CSMD1: variants seen among roughly 807,000 people sequenced by gnomAD.
CSMD1 encodes the protein CUB and Sushi multiple domains 1, also known as CUB and sushi domain-containing protein 1.
Under a neutral mutation model 417.5 loss-of-function variants are expected in CSMD1, and 213 were observed. The observed-to-expected ratio is 0.51, with a 90% CI of 0.46 to 0.57. The LOEUF (loss-of-function observed/expected upper bound fraction) is 0.57, where lower values mean the gene tolerates loss of function less well. CSMD1 is among the 20% of genes least tolerant of loss of function. CSMD1 has a pLI of 0.00. For synonymous variants in CSMD1, 2,862 were observed against 1,736.8 expected (o/e 1.65, Z -16.11); for missense variants, 6,923 against 4,529.7 (o/e 1.53, Z -15.17).
chr8:3,889,269 T>C (rs1044849075), intron 5 of CSMD1, among the ~76,000 whole-genome samples: 1 of 151,608 alleles, frequency 6.6e-6, no homozygotes, highest in Non-Finnish European at 1.5e-5. Context: ...TAAATGTTTT[T>C]CTAGAAAGCC....
chr8:3,109,532 C>T (rs1325924645), intron 43 of CSMD1, among the ~76,000 whole-genome samples: 1 of 152,156 alleles, frequency 6.6e-6, no homozygotes, highest in Non-Finnish European at 1.5e-5. Context: ...CCCTCTGCTA[C>T]TTTATTTCCC....
At chr8:4,722,339 T>A (rs538565103) in intron 1 of CSMD1, among the ~76,000 whole-genome samples, 6 of 152,296 alleles carry the variant, frequency 3.9e-5, no homozygotes, top group South Asian at 2.1e-4. Context: ...TTAATATCCA[T>A]GCAGATTTTA....
At chr8:3,322,341 A>G (rs1806205589) in intron 23 of CSMD1, among the ~76,000 whole-genome samples, 1 of 152,206 alleles carries the variant, frequency 6.6e-6, no homozygotes, top group Non-Finnish European at 1.5e-5. Context: ...TAGTTAAATG[A>G]CTGAACATTC....
intron 10 of CSMD1, among the ~76,000 whole-genome samples, chr8:3,523,669 A>ACC (rs962212231): frequency 1.5e-4 from 21 of 142,344 alleles, no homozygotes; most frequent in African/African-American, 5.9e-4. Flanking sequence ...ACACATGCAC[A>ACC]CACACGTACA....
intron 10 of CSMD1, among the ~76,000 whole-genome samples, chr8:3,514,996 A>G (rs568040196): frequency 8.5e-5 from 13 of 152,338 alleles, no homozygotes; most frequent in African/African-American, 2.9e-4. Context: ...AACATTTTAT[A>G]CTGAAATTAA....
At chr8:4,278,803 T>G (rs1796625658) in intron 3 of CSMD1, among the ~76,000 whole-genome samples, 1 of 152,178 alleles carries the variant, frequency 6.6e-6, no homozygotes, top group African/African-American at 2.4e-5. Context: ...TTCATTTGTG[T>G]TTATAAATTT....
chr8:4,346,690 G>C (rs1437706912), intron 3 of CSMD1, among the ~76,000 whole-genome samples: 2 of 152,090 alleles, frequency 1.3e-5, no homozygotes, highest in African/African-American at 2.4e-5. Context: ...CCTCGTATGA[G>C]TGCTAGTCAG....
chr8:4,448,432 G>A (rs1798944145), intron 2 of CSMD1, among the ~76,000 whole-genome samples: 1 of 152,194 alleles, frequency 6.6e-6, no homozygotes, highest in Non-Finnish European at 1.5e-5. Context: ...CAGATTGGAA[G>A]ACATTTTCAC....
At chr8:3,623,140 A>G (rs866572109) in intron 7 of CSMD1, among the ~76,000 whole-genome samples, 1 of 152,204 alleles carries the variant, frequency 6.6e-6, no homozygotes, top group Non-Finnish European at 1.5e-5. Flanking sequence ...TATAAATTAG[A>G]CAGTTTGTAA....
intron 5 of CSMD1, among the ~76,000 whole-genome samples, chr8:3,911,124 C>T (rs778739460): frequency 4.6e-5 from 7 of 152,064 alleles, no homozygotes; most frequent in Non-Finnish European, 1.0e-4. Flanking sequence ...GGACAGGTTG[C>T]CAATCACAGG....
intron 10 of CSMD1, among the ~76,000 whole-genome samples, chr8:3,517,514 G>C (rs568271249): frequency 6.6e-5 from 10 of 152,142 alleles, no homozygotes; most frequent in Non-Finnish European, 1.2e-4. Flanking sequence ...AAAATGTCAG[G>C]TTCCAATGTC....
chr8:3,480,344 C>A (rs1336252536), intron 11 of CSMD1, among the ~76,000 whole-genome samples: 5 of 151,986 alleles, frequency 3.3e-5, no homozygotes, highest in Non-Finnish European at 5.9e-5. Flanking sequence ...CCCCCTGGAG[C>A]AATGGAGAAA....
At chr8:3,396,147 C>G (rs1811684239) in intron 17 of CSMD1, 47 bp downstream of exon 17, 9 of 1,488,260 alleles carry the variant, frequency 6.0e-6, no homozygotes, top group Non-Finnish European at 7.3e-6. Context: ...CTTTAGTTCT[C>G]CCATGCATGC....
Position 2,974,641 on chromosome 8 carries a change from AAAC to A in CSMD1, c.8567-20_8567-18del. 6.4e-7 allele frequency: 1 copy of A among 1,556,252 alleles called. No homozygotes were observed. The highest frequency in any genetic ancestry group is 8.7e-7 in the Non-Finnish European group (1 of 1,148,240). ...ACGATATAGCTTCAGAAAAAAGATA[AAAC>A]AATTGAGTACATCCTTCCAGTTAAA... On this transcript the variant is annotated intron_variant, in intron 55 of 69. Coordinates refer to ENST00000635120, the MANE Select transcript of CSMD1 (RefSeq NM_033225.6).
chr8:4,768,061 A>G (rs1812589122), intron 1 of CSMD1, among the ~76,000 whole-genome samples: 3 of 152,174 alleles, frequency 2.0e-5, no homozygotes, highest in African/African-American at 7.2e-5. Flanking sequence ...TAATGTCTTC[A>G]GCCCCTTGCA....
chr8:4,221,369 G>T (rs892229170), intron 3 of CSMD1, among the ~76,000 whole-genome samples: 1 of 121,844 alleles, frequency 8.2e-6, no homozygotes, highest in African/African-American at 3.7e-5. Context: ...ATCTCTACAA[G>T]GAAAGTGAGA....
chr8:4,302,084 C>A (rs949734017), intron 3 of CSMD1, among the ~76,000 whole-genome samples: 5 of 152,146 alleles, frequency 3.3e-5, no homozygotes, highest in Admixed American at 6.5e-5. Flanking sequence ...TATGAAGACC[C>A]CTTGTATAGT....
intron 2 of CSMD1, among the ~76,000 whole-genome samples, chr8:4,498,053 CAT>C (rs1412471033): frequency 2.0e-5 from 3 of 152,160 alleles, no homozygotes; most frequent in African/African-American, 4.8e-5. Context: ...AAGTGTCCTC[CAT>C]GTGTGTGAGA....
At position 3,600,212 on chromosome 8, in the gene CSMD1, G is replaced by A. The variant is rs143485216; in HGVS notation, c.1098-13952C>T. Among the ~76,000 whole-genome samples, 201 of 152,328 alleles carry A rather than the reference G, an allele frequency of 1.3e-3. 1 individual carries two copies. In the East Asian group the frequency reaches 0.031, roughly 24 times the overall value. Reference sequence around the variant, plus strand: ...CCCGAATCTTTCCAGGTATCTGTCTGTCTTTCTCCTTTTCTCCTTCTCCTC... The same window carrying A: ...CCCGAATCTTTCCAGGTATCTGTCTATCTTTCTCCTTTTCTCCTTCTCCTC... On this transcript the variant is annotated intron_variant, in intron 8 of 69. Transcript: ENST00000635120.
Sources: allele counts gnomAD v4.1 joint callset (sites outside exome capture counted in the v4.1 genomes callset), GRCh38; gene constraint gnomAD v4.1.1; transcripts MANE v1.5; gene names NCBI Gene and HGNC (gene_info 2026-07-23, HGNC 2026-07-21).